The following TENM3 variants were observed in gnomAD, a reference collection of about 807,000 sequenced individuals.
The protein encoded by TENM3 is teneurin transmembrane protein 3.
TENM3 carries 63 observed loss-of-function variants against 255.1 expected under a neutral mutation model. That is an observed-to-expected ratio of 0.25 (90% CI 0.20 to 0.30). The LOEUF (loss-of-function observed/expected upper bound fraction) is 0.30, where lower values mean the gene tolerates loss of function less well. TENM3 is among the 10% of genes least tolerant of loss of function. TENM3 has a pLI of 1.00. For synonymous variants in TENM3, 1,306 were observed against 1,322.3 expected, an observed-to-expected ratio of 0.99 and a Z score of 0.27; for missense variants, 2,929 against 3,461.1, an observed-to-expected ratio of 0.85 and a Z score of 3.86.
intron 3 of TENM3, among the ~76,000 whole-genome samples, chr4:182,522,832 T>C (rs1157598724): frequency 6.6e-6 from 1 of 152,168 alleles, no homozygotes; most frequent in Admixed American, 6.5e-5. Flanking sequence ...GATTGCTGGA[T>C]CATATGGTAG....
At chr4:181,865,662 C>G in the TENM3 span, among the ~76,000 whole-genome samples, 2 of 152,220 alleles carry the variant, frequency 1.3e-5, no homozygotes, top group Non-Finnish European at 2.9e-5. Context: ...CTTTTTAGCA[C>G]TGACAGAAAT....
In TENM3 at chr4:182,346,662, AC is replaced by A; in HGVS notation, c.247del (p.Leu83Ter). ...TTCCCCCTAATTAGGACAGAATTTTACCCTAAGGCAGTTAGGAGTTTGTGAA... is the reference window on the plus strand; with the variant it reads ...TTCCCCCTAATTAGGACAGAATTTTACCTAAGGCAGTTAGGAGTTTGTGAA... ...DEFTRQGQNF[T>X]LRQLGVCEPA... On this transcript the variant is annotated frameshift_variant, in exon 3 of 28. Coordinates refer to ENST00000511685, the MANE Select transcript of TENM3 (RefSeq NM_001080477.4). LOFTEE classifies it high-confidence loss of function. The A allele has an allele frequency of 6.2e-7, 1 of 1,613,478 alleles. No individual in the cohort carries two copies. Among genetic ancestry groups the A allele is most frequent in the Non-Finnish European group, 8.5e-7 (1 of 1,179,740 alleles).
At chr4:182,196,386 G>A (rs1166743870) in intron 1 of TENM3, among the ~76,000 whole-genome samples, 2 of 152,128 alleles carry the variant, frequency 1.3e-5, no homozygotes, top group Non-Finnish European at 2.9e-5. Flanking sequence ...GTCAGTGTGG[G>A]ATTACCAATT....
chr4:182,471,137 A>C (rs556465070), intron 3 of TENM3, among the ~76,000 whole-genome samples: 1 of 152,206 alleles, frequency 6.6e-6, no homozygotes, highest in Non-Finnish European at 1.5e-5. Flanking sequence ...GATAATCTAA[A>C]ACATGTTTAA....
the TENM3 span, among the ~76,000 whole-genome samples, chr4:182,138,395 A>G: frequency 6.6e-6 from 1 of 152,186 alleles, no homozygotes; most frequent in African/African-American, 2.4e-5. Flanking sequence ...AATGTCGAAA[A>G]TCCTCAAATG....
chr4:182,114,285 A>G, the TENM3 span, among the ~76,000 whole-genome samples: 1 of 82,014 alleles, frequency 1.2e-5, no homozygotes, highest in Non-Finnish European at 2.8e-5. Flanking sequence ...TTTGACAACT[A>G]TGAAGTTCCT....
intron 3 of TENM3, among the ~76,000 whole-genome samples, chr4:182,482,960 T>C (rs183912517): frequency 1.3e-5 from 2 of 152,346 alleles, no homozygotes; most frequent in Admixed American, 6.5e-5. Context: ...TGTCATATAC[T>C]TAAAGTTTTC....
intron 5 of TENM3, among the ~76,000 whole-genome samples, chr4:182,629,224 T>C (rs547893795): frequency 6.6e-6 from 1 of 152,268 alleles, no homozygotes; most frequent in East Asian, 1.9e-4. Context: ...ATGAACCCTG[T>C]GCAGGATTTC....
In TENM3 at chr4:182,458,266, T is replaced by G. The variant is rs17073335; in HGVS notation, c.511+111337T>G. 6.8e-3 allele frequency among the ~76,000 whole-genome samples: 1,039 copies of G among 152,334 alleles called. 6 individuals carry two copies. Among genetic ancestry groups the G allele is most frequent in the African/African-American group, 0.022 (915 of 41,588 alleles). ...ATTGACATTTCTATTCCCCATTGAA[T>G]GGCTTGTTTATTTAATTGATGGCTA... On this transcript the variant is annotated intron_variant, in intron 3 of 27. Transcript: ENST00000511685.
chr4:181,779,914 T>A, the TENM3 span, among the ~76,000 whole-genome samples: 2 of 152,216 alleles, frequency 1.3e-5, no homozygotes, highest in East Asian at 3.9e-4. Flanking sequence ...TGCAACAGTT[T>A]GCTGAGAATG....
At chr4:181,818,286 G>A in the TENM3 span, among the ~76,000 whole-genome samples, 1 of 152,182 alleles carries the variant, frequency 6.6e-6, no homozygotes, top group Non-Finnish European at 1.5e-5. Context: ...AAGTACGGGA[G>A]ATTATTTTTG....
the TENM3 span, among the ~76,000 whole-genome samples, chr4:181,450,289 G>C: frequency 0.068 from 10,279 of 152,122 alleles, 384 homozygotes; most frequent in Middle Eastern, 0.11. Flanking sequence ...TTATGATAAC[G>C]TTTTTGGAGT....
chr4:182,482,259 C>T (rs1450947156), intron 3 of TENM3, among the ~76,000 whole-genome samples: 1 of 152,060 alleles, frequency 6.6e-6, no homozygotes, highest in Non-Finnish European at 1.5e-5. Flanking sequence ...GGCTTAATTA[C>T]AATAATGCTT....
At chr4:182,003,000 C>T in the TENM3 span, among the ~76,000 whole-genome samples, 3 of 152,058 alleles carry the variant, frequency 2.0e-5, no homozygotes, top group East Asian at 3.9e-4. Flanking sequence ...GATCAACTGA[C>T]GTATTATGCT....
chr4:181,921,551 A>G, the TENM3 span, among the ~76,000 whole-genome samples: 1 of 152,198 alleles, frequency 6.6e-6, no homozygotes, highest in African/African-American at 2.4e-5. Context: ...TTATTGGTGT[A>G]TAAGAATGCT....
At chr4:181,512,407 A>G in the TENM3 span, among the ~76,000 whole-genome samples, 1 of 151,912 alleles carries the variant, frequency 6.6e-6, no homozygotes, top group Non-Finnish European at 1.5e-5. Context: ...TTTTCTTAGT[A>G]AGAAAATGCC....
At chr4:182,721,048 G>A (rs1759684794) in intron 13 of TENM3, among the ~76,000 whole-genome samples, 2 of 151,720 alleles carry the variant, frequency 1.3e-5, no homozygotes, top group South Asian at 2.1e-4. Flanking sequence ...GATTACAGGC[G>A]TGAGCCACCA....
chr4:182,209,143 T>C (rs1304811907), intron 1 of TENM3, among the ~76,000 whole-genome samples: 3 of 152,100 alleles, frequency 2.0e-5, no homozygotes, highest in African/African-American at 7.2e-5. Context: ...AATTTTTGTA[T>C]TTTTAGTAGC....
chr4:181,790,784 C>G, the TENM3 span, among the ~76,000 whole-genome samples: 1 of 152,152 alleles, frequency 6.6e-6, no homozygotes, highest in Non-Finnish European at 1.5e-5. Context: ...TATCTGCTTA[C>G]GGAGAGAGGA....
Sources: gnomAD v4.1 joint callset for allele counts (sites outside exome capture counted in the v4.1 genomes callset) on GRCh38, gnomAD v4.1.1 for gene constraint, MANE v1.5 for transcripts, NCBI Gene and HGNC (gene_info 2026-07-23, HGNC 2026-07-21) for gene names.